Variants in HCN2 observed in about 807,000 individuals in gnomAD.
HCN2 encodes potassium/sodium hyperpolarization-activated cyclic nucleotide-gated channel 2.
A neutral mutation model predicts 52.3 loss-of-function variants in HCN2; 20 were observed. The observed-to-expected ratio is 0.38, with a 90% confidence interval of 0.27 to 0.56. The LOEUF (loss-of-function observed/expected upper bound fraction) is 0.56. HCN2 is among the 20% of genes least tolerant of loss of function. The pLI, the probability that HCN2 is intolerant of heterozygous loss-of-function variation, is 0.71. For synonymous variants in HCN2, 694 were observed against 537.0 expected (o/e 1.29, Z -4.04); for missense variants, 981 against 1,207.7 (o/e 0.81, Z 2.78).
chr19:597,926 C>T (rs1384474405), intron 1 of HCN2, among the ~76,000 whole-genome samples: 1 of 152,230 alleles, frequency 6.6e-6, no homozygotes, highest in Non-Finnish European at 1.5e-5. Flanking sequence ...CTGGGAGTTT[C>T]TCCTCGCCCC....
Position 603,540 on chromosome 19 carries a change from C to G in HCN2, c.633-4C>G. On this transcript the variant is annotated splice_polypyrimidine_tract_variant and splice_region_variant and intron_variant, in intron 1 of 7. Coordinates refer to ENST00000251287, the MANE Select transcript of HCN2 (RefSeq NM_001194.4). ...GCCTGAGGTGTGGGCACCCTCGCCC[C>G]CAGGTTCTACTGGGACTTCACCATG... 1 of 1,599,888 alleles carries G rather than the reference C, an allele frequency of 6.3e-7. No homozygotes were observed. The highest frequency in any genetic ancestry group is 1.3e-5 in the African/African-American group (1 of 74,756).
intron 1 of HCN2, among the ~76,000 whole-genome samples, chr19:603,200 A>G (rs112659438): frequency 8.7e-5 from 7 of 80,208 alleles, no homozygotes; most frequent in Non-Finnish European, 1.2e-4. Context: ...GGAATGCACC[A>G]GCCTGAGCTG....
At chr19:595,762 A>G (rs985938742) in intron 1 of HCN2, among the ~76,000 whole-genome samples, 6 of 151,732 alleles carry the variant, frequency 4.0e-5, no homozygotes, top group Non-Finnish European at 8.8e-5. Flanking sequence ...CCCTTTCTTA[A>G]TCCTGGGCAC....
chr19:614,078 C>CGGGTGCCCTGGCGG (rs1983794923), intron 7 of HCN2, 62 bp downstream of exon 7: 2 of 1,169,784 alleles, frequency 1.7e-6, no homozygotes, highest in African/African-American at 1.8e-5. Flanking sequence ...GTGGCCAAGG[C>CGGGTGCCCTGGCGG]ATCAGGAGAG....
intron 5 of HCN2, among the ~76,000 whole-genome samples, chr19:612,427 T>TGTGTGTGTGTGTGGGA: frequency 1.2e-3 from 176 of 142,358 alleles, no homozygotes; most frequent in South Asian, 3.1e-3. Flanking sequence ...TGTGTGTGTG[T>TGTGTGTGTGTGTGGGA]GAGAGAGAGA....
At chr19:597,883 T>G (rs1374902122) in intron 1 of HCN2, among the ~76,000 whole-genome samples, 1 of 152,176 alleles carries the variant, frequency 6.6e-6, no homozygotes, top group African/African-American at 2.4e-5. Flanking sequence ...CCTTGGCAGT[T>G]TCTAGGTCCC....
intron 5 of HCN2, among the ~76,000 whole-genome samples, chr19:611,819 T>G (rs1158915479): frequency 2.0e-5 from 3 of 152,146 alleles, no homozygotes; most frequent in Non-Finnish European, 4.4e-5. Context: ...TAGTCATTAT[T>G]TAGGTGTTTA....
chr19:616,930 C>G lies in HCN2; in HGVS notation c.*456C>G. On this transcript the variant is annotated 3_prime_UTR_variant, in exon 8 of 8. Transcript: ENST00000251287. ...CGCTCACGCAATAACCGGCCCGGCC[C>G]CCGTCCGCGCGCGTCCCCCGGTGAC... is the stretch of plus-strand genomic sequence containing the variant. 1 of 371,236 alleles carries G rather than the reference C, an allele frequency of 2.7e-6. No homozygotes were observed. The highest frequency in any genetic ancestry group is 5.0e-6 in the Non-Finnish European group (1 of 199,528). The allele number at this position is 371,236 out of a possible 1,614,324, so 23.0% of individuals were successfully genotyped here. A position where few individuals can be genotyped will look rare whatever the true frequency, so the allele number is the denominator to read the frequency against.
intron 1 of HCN2, among the ~76,000 whole-genome samples, chr19:601,172 G>GA (rs746035684): frequency 2.6e-5 from 4 of 152,234 alleles, no homozygotes; most frequent in Non-Finnish European, 4.4e-5. Flanking sequence ...AATGAGCCAG[G>GA]AGTGGTGGCT....
chr19:611,905 A>G (rs1243980580), intron 5 of HCN2, among the ~76,000 whole-genome samples: 1 of 152,040 alleles, frequency 6.6e-6, no homozygotes, highest in Non-Finnish European at 1.5e-5. Context: ...CAGCACTTTC[A>G]GAGGCCGAGA....
At chr19:603,374 C>T (rs1278930143) in intron 1 of HCN2, among the ~76,000 whole-genome samples, 170 bp from the exon 2 acceptor site, 6 of 147,768 alleles carry the variant, frequency 4.1e-5, no homozygotes, top group African/African-American at 1.3e-4. Context: ...GGTGTGGGTG[C>T]CCCTCGTCCC....
intron 4 of HCN2, 95 bp downstream of exon 4, chr19:608,277 A>G: frequency 8.7e-7 from 1 of 1,150,248 alleles, no homozygotes; most frequent in Non-Finnish European, 1.3e-6. Context: ...CTGGGGTCTG[A>G]TGGAGGGAGG....
chr19:597,182 C>T (rs1983055905), intron 1 of HCN2, among the ~76,000 whole-genome samples: 1 of 152,252 alleles, frequency 6.6e-6, no homozygotes, highest in African/African-American at 2.4e-5. Context: ...CCGTAATCCC[C>T]AGGAATACTG....
rs532196568 is a variant in HCN2 at position 598,176 on chromosome 19, G to A, written c.633-5368G>A. Among the ~76,000 whole-genome samples, 12 of 152,300 alleles carry A rather than the reference G, an allele frequency of 7.9e-5. No individual in the cohort carries two copies. The South Asian group carries it at 8.3e-4, about 11-fold the overall frequency. The stretch of plus-strand genomic sequence containing the variant: ...GGTCTCGTTGCTGAGCAGATGTGTC[G>A]GACTGGGGGCCTGAGCCCTCATGTC... On this transcript the variant is annotated intron_variant, in intron 1 of 7. Coordinates refer to ENST00000251287, the MANE Select transcript of HCN2 (RefSeq NM_001194.4).
intron 1 of HCN2, among the ~76,000 whole-genome samples, chr19:596,981 G>C (rs113892864): frequency 2.0e-5 from 3 of 152,178 alleles, no homozygotes; most frequent in East Asian, 3.9e-4. Context: ...CCCAGGCCTC[G>C]GTTTCCCCTT....
At chr19:615,701 C>G (rs1339678551) in intron 7 of HCN2, 94 bp from the exon 8 acceptor site, 1 of 1,231,826 alleles carries the variant, frequency 8.1e-7, no homozygotes, top group Non-Finnish European at 1.2e-6. Context: ...ACGGCAAGCA[C>G]TGTGTGCGCA....
intron 5 of HCN2, among the ~76,000 whole-genome samples, chr19:612,195 G>A (rs113829961): frequency 1.2e-4 from 18 of 151,830 alleles, no homozygotes; most frequent in South Asian, 6.3e-4. Context: ...GGCACAGCTC[G>A]ATAGCTGGTC....
chr19:597,929 CT>C (rs1983087398), intron 1 of HCN2, among the ~76,000 whole-genome samples: 1 of 152,214 alleles, frequency 6.6e-6, no homozygotes, highest in South Asian at 2.1e-4. Flanking sequence ...GGAGTTTCTC[CT>C]CGCCCCTCGT....
At chr19:605,247 G>T (rs529143933) in intron 3 of HCN2, 25 bp downstream of exon 3, 2 of 1,606,906 alleles carry the variant, frequency 1.2e-6, no homozygotes, top group African/African-American at 1.3e-5. Flanking sequence ...CCCTGACGGA[G>T]GGGGAGACGC....
Sources: allele counts gnomAD v4.1 joint callset (sites outside exome capture counted in the v4.1 genomes callset), GRCh38; gene constraint gnomAD v4.1.1; transcripts MANE v1.5; gene names NCBI Gene and HGNC (gene_info 2026-07-23, HGNC 2026-07-21).